Variants in LRMDA observed in about 807,000 individuals in gnomAD.
LRMDA encodes leucine-rich melanocyte differentiation-associated protein.
Under a neutral mutation model 29.8 loss-of-function variants are expected in LRMDA, and 18 were observed. The ratio of observed to expected loss-of-function variants is 0.60; its 90% confidence interval spans 0.42 to 0.90. The LOEUF (loss-of-function observed/expected upper bound fraction) is 0.90, where lower values mean the gene tolerates loss of function less well. LRMDA is among the 40% of genes least tolerant of loss of function. The pLI is 0.00. For synonymous variants in LRMDA, 125 were observed against 109.4 expected, an observed-to-expected ratio of 1.14 and a Z score of -0.89; for missense variants, 273 against 273.9, an observed-to-expected ratio of 1.00 and a Z score of 0.02.
rs113337940 is a variant in LRMDA, at chr10:76,335,620, T to C, written c.601+11135T>C. Among the ~76,000 whole-genome samples the C allele has an allele frequency of 9.7e-3, 1,477 of 152,274 alleles. 17 individuals are homozygous for C. The highest frequency in any genetic ancestry group is 0.022 in the African/African-American group (918 of 41,550). On this transcript the variant is annotated intron_variant, in intron 6 of 6. Coordinates refer to ENST00000611255, the MANE Select transcript of LRMDA (RefSeq NM_001305581.2). ...ACATGAGACATCAATCAAATACATG[T>C]AAGATATACATTGGTTTGGTCCAGA...
intron 2 of LRMDA, among the ~76,000 whole-genome samples, chr10:75,915,011 C>G (rs1845906319): frequency 6.6e-6 from 1 of 151,296 alleles, no homozygotes; most frequent in African/African-American, 2.4e-5. Context: ...TGTTATCTGA[C>G]TGGATTAAGT....
At chr10:75,464,264 G>T (rs1844625497) in intron 2 of LRMDA, among the ~76,000 whole-genome samples, 1 of 152,202 alleles carries the variant, frequency 6.6e-6, no homozygotes, top group African/African-American at 2.4e-5. Context: ...TCTTCGAAGG[G>T]GTTGGCTGTG....
intron 2 of LRMDA, among the ~76,000 whole-genome samples, chr10:75,976,671 A>G (rs1031111425): frequency 2.6e-4 from 39 of 152,176 alleles, no homozygotes; most frequent in Non-Finnish European, 4.3e-4. Flanking sequence ...CTTCACATAT[A>G]TTAAGCCATT....
intron 6 of LRMDA, among the ~76,000 whole-genome samples, chr10:76,478,567 A>G (rs1419468757): frequency 7.2e-5 from 11 of 152,156 alleles, no homozygotes; most frequent in Non-Finnish European, 1.6e-4. Context: ...AAAGGATTAT[A>G]AATGATGCTG....
At chr10:76,166,265 C>A (rs1230982668) in intron 5 of LRMDA, among the ~76,000 whole-genome samples, 2 of 152,182 alleles carry the variant, frequency 1.3e-5, no homozygotes, top group Admixed American at 6.5e-5. Flanking sequence ...TTTTCCCAAA[C>A]CTGCTTGGTT....
intron 2 of LRMDA, among the ~76,000 whole-genome samples, chr10:75,996,682 A>AAGC (rs1847467576): frequency 6.6e-6 from 1 of 152,116 alleles, no homozygotes; most frequent in Non-Finnish European, 1.5e-5. Flanking sequence ...TAGTGCCACG[A>AAGC]AGCAGGAAGG....
At chr10:75,668,221 G>A (rs572730960) in intron 2 of LRMDA, among the ~76,000 whole-genome samples, 8 of 152,274 alleles carry the variant, frequency 5.3e-5, no homozygotes, top group East Asian at 1.9e-4. Flanking sequence ...TGTTGACCAC[G>A]TAAGGCTCTT....
intron 5 of LRMDA, among the ~76,000 whole-genome samples, chr10:76,152,394 A>G (rs1850462148): frequency 2.0e-5 from 3 of 152,220 alleles, no homozygotes; most frequent in Admixed American, 6.5e-5. Context: ...TTGTATAGAT[A>G]TACCATATTT....
At chr10:75,445,312 A>G (rs1564772862) in intron 2 of LRMDA, among the ~76,000 whole-genome samples, 1 of 151,834 alleles carries the variant, frequency 6.6e-6, no homozygotes, top group African/African-American at 2.4e-5. Flanking sequence ...TTTTTTCCAA[A>G]TTTCTACTAT....
intron 5 of LRMDA, among the ~76,000 whole-genome samples, chr10:76,125,089 C>A (rs2132129002): frequency 6.6e-6 from 1 of 152,276 alleles, no homozygotes; most frequent in South Asian, 2.1e-4. Flanking sequence ...GATTATTTTT[C>A]TGATTCAAAT....
chr10:75,632,186 A>T (rs1841332506), intron 2 of LRMDA, among the ~76,000 whole-genome samples: 1 of 152,188 alleles, frequency 6.6e-6, no homozygotes, highest in African/African-American at 2.4e-5. Flanking sequence ...AGAATTTGAG[A>T]TAGAGTCAGA....
At chr10:75,493,348 G>GTGTGTGTGT (rs1774093324) in intron 2 of LRMDA, among the ~76,000 whole-genome samples, 16 of 133,352 alleles carry the variant, frequency 1.2e-4, no homozygotes, top group African/African-American at 4.0e-4. Context: ...GTTGAGATTG[G>GTGTGTGTGT]GTGTGTGTGT....
intron 6 of LRMDA, among the ~76,000 whole-genome samples, chr10:76,521,482 A>G (rs760416650): frequency 6.6e-6 from 1 of 152,224 alleles, no homozygotes; most frequent in Non-Finnish European, 1.5e-5. Context: ...GAGTCAATAC[A>G]TAATTATTTA....
At chr10:76,371,986 G>T (rs1376114664) in intron 6 of LRMDA, among the ~76,000 whole-genome samples, 1 of 152,152 alleles carries the variant, frequency 6.6e-6, no homozygotes, top group Non-Finnish European at 1.5e-5. Flanking sequence ...CTAGCTCAGG[G>T]TGCTTTGTCT....
At chr10:75,624,495 A>T (rs1564525278) in intron 2 of LRMDA, among the ~76,000 whole-genome samples, 1 of 152,226 alleles carries the variant, frequency 6.6e-6, no homozygotes, top group Non-Finnish European at 1.5e-5. Flanking sequence ...ATTTTATCAC[A>T]TATTTCTACA....
chr10:76,329,943 C>T lies in LRMDA; in HGVS notation c.601+5458C>T, dbSNP rs572021916. On this transcript the variant is annotated intron_variant, in intron 6 of 6. Transcript: ENST00000611255. ...AGTGTTTTGCTTCAACTCATTAAAT[C>T]GCCAAAGTGAAAGTGAATAAAAGGA... is the stretch of plus-strand genomic sequence containing the variant. Among the ~76,000 whole-genome samples the T allele has an allele frequency of 2.4e-4, 36 of 152,232 alleles. 2 individuals carry two copies. Among genetic ancestry groups the T allele is most frequent in the Admixed American group, 4.6e-4 (7 of 15,286 alleles).
intron 5 of LRMDA, among the ~76,000 whole-genome samples, chr10:76,100,248 A>G (rs1432612031): frequency 6.6e-6 from 1 of 152,208 alleles, no homozygotes; most frequent in African/African-American, 2.4e-5. Flanking sequence ...TTCTTGTCAC[A>G]TGATCAGGAA....
At chr10:76,055,766 C>A (rs976218365) in intron 4 of LRMDA, among the ~76,000 whole-genome samples, 2 of 152,246 alleles carry the variant, frequency 1.3e-5, no homozygotes, top group Non-Finnish European at 2.9e-5. Context: ...CCAGGCATAC[C>A]ACAACCAGCT....
chr10:76,464,838 C>G (rs985566762), intron 6 of LRMDA: 10 of 152,222 alleles, frequency 6.6e-5, no homozygotes, highest in African/African-American at 2.4e-4. Flanking sequence ...TCTGTGTGCT[C>G]ATATACATAT....
Sources: allele counts gnomAD v4.1 joint callset (sites outside exome capture counted in the v4.1 genomes callset), GRCh38; gene constraint gnomAD v4.1.1; transcripts MANE v1.5; gene names NCBI Gene and HGNC (gene_info 2026-07-23, HGNC 2026-07-21).